The following CEP128 variants were observed in gnomAD, a reference collection of about 807,000 sequenced individuals.
CEP128 encodes the protein centrosomal protein 128.
CEP128 carries 132 observed loss-of-function variants against 156.7 expected under a neutral mutation model. That is an observed-to-expected ratio of 0.84 (90% CI 0.73 to 0.97). The LOEUF is 0.97. Ranked by LOEUF, CEP128 falls within the 50% of genes least tolerant of loss-of-function variation. The pLI is 0.00. For synonymous variants in CEP128, 469 were observed against 448.9 expected (o/e 1.04, Z -0.57); for missense variants, 1,252 against 1,281.9 (o/e 0.98, Z 0.36).
intron 19 of CEP128, among the ~76,000 whole-genome samples, chr14:80,651,203 T>C (rs1030388764): frequency 6.6e-6 from 1 of 152,182 alleles, no homozygotes; most frequent in African/African-American, 2.4e-5. Flanking sequence ...TTTATTTGCA[T>C]AGAAGTGTTT....
At chr14:80,933,238 G>A (rs1228848943) in intron 2 of CEP128, among the ~76,000 whole-genome samples, 1 of 152,102 alleles carries the variant, frequency 6.6e-6, no homozygotes, top group African/African-American at 2.4e-5. Flanking sequence ...TAGGAACAGT[G>A]TCCTCTCCTT....
At chr14:80,939,568 G>A (rs766598925) in intron 1 of CEP128, 28 bp from the exon 2 acceptor site, 4 of 152,204 alleles carry the variant, frequency 2.6e-5, no homozygotes, top group Non-Finnish European at 4.4e-5. Flanking sequence ...AAGGGGGTAA[G>A]ACATACCTAC....
intron 9 of CEP128, 111 bp from the exon 10 acceptor site, chr14:80,840,879 C>A: frequency 1.5e-6 from 1 of 671,474 alleles, no homozygotes; most frequent in Non-Finnish European, 2.6e-6. Context: ...ATGAGTTACA[C>A]AAAATCTATA....
intron 8 of CEP128, among the ~76,000 whole-genome samples, chr14:80,872,868 T>A (rs1595528232): frequency 1.3e-5 from 2 of 152,200 alleles, no homozygotes; most frequent in Non-Finnish European, 2.9e-5. Context: ...AAACATCATG[T>A]GGCCTTCAGA....
exon 15 of CEP128, chr14:80,477,652 A>C (rs1886967434): frequency 6.6e-6 from 1 of 152,172 alleles, no homozygotes; most frequent in Non-Finnish European, 1.5e-5. Context: ...AGTTCTAAGG[A>C]GGGGGAAAGG....
At chr14:80,917,640 G>A (rs1282174962) in intron 2 of CEP128, among the ~76,000 whole-genome samples, 1 of 152,178 alleles carries the variant, frequency 6.6e-6, no homozygotes, top group Non-Finnish European at 1.5e-5. Flanking sequence ...CCAGGTTCAA[G>A]CAATTGTCCT....
chr14:80,677,189 C>T (rs1025537971), intron 19 of CEP128, among the ~76,000 whole-genome samples: 1 of 152,084 alleles, frequency 6.6e-6, no homozygotes, highest in African/African-American at 2.4e-5. Context: ...GTCTTCATAA[C>T]CTGTGTCTTA....
At chr14:80,514,805 A>C (rs1278140424) in intron 23 of CEP128, 1 of 208,194 alleles carries the variant, frequency 4.8e-6, no homozygotes, top group African/African-American at 2.3e-5. Context: ...TGAGCCCTGA[A>C]GAGTTGGGTA....
chr14:80,534,824 CAA>C (rs371773612), intron 21 of CEP128, among the ~76,000 whole-genome samples: 4 of 60,138 alleles, frequency 6.7e-5, no homozygotes, highest in Non-Finnish European at 1.2e-4. Flanking sequence ...GATTCCGTCT[CAA>C]AAAAAAAAAA....
chr14:80,864,315 T>C (rs1369970095), intron 8 of CEP128, among the ~76,000 whole-genome samples: 1 of 152,178 alleles, frequency 6.6e-6, no homozygotes, highest in Non-Finnish European at 1.5e-5. Context: ...TCAAATAGCT[T>C]GCTATCTATT....
intron 23 of CEP128, among the ~76,000 whole-genome samples, chr14:80,513,479 C>T (rs1193730833): frequency 1.3e-5 from 2 of 152,046 alleles, no homozygotes; most frequent in Non-Finnish European, 1.5e-5. Flanking sequence ...GTTCTATAAC[C>T]TTCCCGTACT....
intron 20 of CEP128, among the ~76,000 whole-genome samples, chr14:80,577,306 T>C (rs1042003633): frequency 6.6e-6 from 1 of 152,122 alleles, no homozygotes; most frequent in Non-Finnish European, 1.5e-5. Context: ...CATCAAATTC[T>C]GCATGTTCAG....
chr14:80,683,196 C>T (rs888258608), intron 19 of CEP128, among the ~76,000 whole-genome samples: 11 of 152,090 alleles, frequency 7.2e-5, no homozygotes, highest in African/African-American at 2.4e-4. Context: ...CTGGACAGGA[C>T]CATCCATCTG....
rs551956703 is a variant in CEP128, at chr14:80,875,374, TTATC to T, written c.646-12505_646-12502del. 1.8e-3 allele frequency among the ~76,000 whole-genome samples: 276 copies of T among 152,340 alleles called. 2 individuals carry two copies. The highest frequency in any genetic ancestry group is 3.0e-3 in the Non-Finnish European group (205 of 68,036). On this transcript the variant is annotated intron_variant, in intron 8 of 24. Coordinates refer to ENST00000555265, the MANE Select transcript of CEP128 (RefSeq NM_152446.5). ...ACGTAATAATGTCCTAAGCCTCAAA[TTATC>T]TATTCAAATTTTGTTGGCAGAAAAT... is the stretch of plus-strand genomic sequence containing the variant.
At chr14:80,540,320 T>C (rs1889696670) in intron 21 of CEP128, among the ~76,000 whole-genome samples, 1 of 152,048 alleles carries the variant, frequency 6.6e-6, no homozygotes, top group Admixed American at 6.6e-5. Context: ...CTCTTTGTAC[T>C]GTCTCTCTTT....
chr14:80,658,343 A>T (rs1595166539), intron 19 of CEP128, among the ~76,000 whole-genome samples: 1 of 152,258 alleles, frequency 6.6e-6, no homozygotes, highest in East Asian at 1.9e-4. Context: ...TGCCCTATTC[A>T]CATTTATGCT....
At chr14:80,652,878 A>T (rs565425345) in intron 19 of CEP128, among the ~76,000 whole-genome samples, 4 of 152,312 alleles carry the variant, frequency 2.6e-5, no homozygotes, top group African/African-American at 9.6e-5. Flanking sequence ...TACTATAAAG[A>T]CACACGCACA....
chr14:80,577,446 G>A (rs1325081565), intron 20 of CEP128, among the ~76,000 whole-genome samples: 2 of 152,128 alleles, frequency 1.3e-5, no homozygotes, highest in African/African-American at 4.8e-5. Flanking sequence ...TATCTGTGAA[G>A]TTGCCGAATC....
intron 19 of CEP128, among the ~76,000 whole-genome samples, chr14:80,633,656 G>A (rs150081424): frequency 1.1e-3 from 162 of 152,188 alleles, no homozygotes; most frequent in East Asian, 4.2e-3. Context: ...TTCCCACTAC[G>A]TATTCCCATC....
Sources: allele counts gnomAD v4.1 joint callset (sites outside exome capture counted in the v4.1 genomes callset), GRCh38; gene constraint gnomAD v4.1.1; transcripts MANE v1.5; gene names NCBI Gene and HGNC (gene_info 2026-07-23, HGNC 2026-07-21).